ADAMTS3: variants seen among roughly 807,000 people sequenced by gnomAD.
The protein encoded by ADAMTS3 is ADAM metallopeptidase with thrombospondin type 1 motif 3, also known as A disintegrin and metalloproteinase with thrombospondin motifs 3.
Under a neutral mutation model 129.0 loss-of-function variants are expected in ADAMTS3, and 73 were observed. The ratio of observed to expected loss-of-function variants is 0.57; its 90% CI spans 0.47 to 0.69. ADAMTS3 has a LOEUF of 0.69. ADAMTS3 is among the 30% of genes least tolerant of loss of function. The pLI, the probability that ADAMTS3 is intolerant of heterozygous loss-of-function variation, is 0.00. For synonymous variants in ADAMTS3, 477 were observed against 510.8 expected, an observed-to-expected ratio of 0.93 and a Z score of 0.89; for missense variants, 1,457 against 1,514.5, an observed-to-expected ratio of 0.96 and a Z score of 0.63.
intron 4 of ADAMTS3, among the ~76,000 whole-genome samples, chr4:72,405,601 A>G (rs528782458): frequency 6.6e-6 from 1 of 152,254 alleles, no homozygotes; most frequent in East Asian, 1.9e-4. Context: ...TTGGGTAGAG[A>G]AAGTCCTGTT....
At chr4:72,368,962 C>T (rs761665969) in intron 4 of ADAMTS3, among the ~76,000 whole-genome samples, 15 of 152,106 alleles carry the variant, frequency 9.9e-5, no homozygotes, top group South Asian at 2.1e-4. Context: ...ATGCTGTTTT[C>T]GCTACACTAT....
At chr4:72,425,844 T>C (rs943228934) in intron 3 of ADAMTS3, among the ~76,000 whole-genome samples, 2 of 151,806 alleles carry the variant, frequency 1.3e-5, no homozygotes, top group Non-Finnish European at 2.9e-5. Context: ...TTTGGGTATA[T>C]ACCCAGTAAT....
chr4:72,548,923 T>C (rs2109788503), intron 2 of ADAMTS3, 39 bp from the exon 3 acceptor site: 4 of 1,568,104 alleles, frequency 2.6e-6, no homozygotes, highest in South Asian at 2.3e-5. Context: ...CCCTGTACAA[T>C]AAGAGAACAC....
At chr4:72,484,685 T>C (rs976246497) in intron 3 of ADAMTS3, among the ~76,000 whole-genome samples, 7 of 152,098 alleles carry the variant, frequency 4.6e-5, no homozygotes, top group Non-Finnish European at 7.4e-5. Flanking sequence ...GAAACTCCCA[T>C]GGATGGTGAG....
intron 5 of ADAMTS3, among the ~76,000 whole-genome samples, chr4:72,337,287 A>G (rs1720015121): frequency 6.6e-6 from 1 of 152,190 alleles, no homozygotes; most frequent in South Asian, 2.1e-4. Context: ...AATTTTTTTA[A>G]TGGACTTAAG....
In ADAMTS3 at chr4:72,295,745, T is replaced by C; in HGVS notation, c.2632A>G (p.Asn878Asp). Reference protein sequence around the residue: ...TKYGCRRKSDNKMVHRSFCEA... With the variant: ...TKYGCRRKSDDKMVHRSFCEA... ...CAGAAGCTGCGATGGACCATTTTAT[T>C]ATCACTTTTCCTACGGCATCCATAT... The change falls in exon 19 of 22, where the codon AAT (asparagine) becomes GAT (aspartate). Residue 878 changes from asparagine to aspartate, a missense_variant. Asn to Asp is a conservative substitution (Grantham distance 23). Coordinates refer to ENST00000286657, the MANE Select transcript of ADAMTS3 (RefSeq NM_014243.3). The C allele has an allele frequency of 6.2e-7, 1 of 1,612,894 alleles. No individual in the cohort carries two copies. Among genetic ancestry groups the C allele is most frequent in the South Asian group, 1.1e-5 (1 of 91,040 alleles).
intron 4 of ADAMTS3, among the ~76,000 whole-genome samples, chr4:72,412,270 G>T (rs1722202516): frequency 6.6e-6 from 1 of 151,882 alleles, no homozygotes; most frequent in East Asian, 1.9e-4. Context: ...GACCTCATAT[G>T]TTTCCTAAAA....
At chr4:72,432,184 G>A (rs1042029359) in intron 3 of ADAMTS3, among the ~76,000 whole-genome samples, 2 of 151,924 alleles carry the variant, frequency 1.3e-5, no homozygotes, top group African/African-American at 4.8e-5. Context: ...AATTAGGTGT[G>A]TCCAGATTCC....
intron 3 of ADAMTS3, among the ~76,000 whole-genome samples, chr4:72,467,044 G>C (rs562900099): frequency 6.6e-6 from 1 of 151,926 alleles, no homozygotes; most frequent in African/African-American, 2.4e-5. Flanking sequence ...TTATTTCAAA[G>C]TTGTATTTTA....
At chr4:72,486,476 A>C (rs996768098) in intron 3 of ADAMTS3, among the ~76,000 whole-genome samples, 1 of 152,178 alleles carries the variant, frequency 6.6e-6, no homozygotes, top group Non-Finnish European at 1.5e-5. Context: ...CACAAAGAAA[A>C]CTGAGAACCT....
intron 13 of ADAMTS3, among the ~76,000 whole-genome samples, chr4:72,311,721 A>G (rs761995082): frequency 6.6e-6 from 1 of 152,100 alleles, no homozygotes; most frequent in Non-Finnish European, 1.5e-5. Context: ...GCATGTAATC[A>G]TATAACTATT....
intron 3 of ADAMTS3, among the ~76,000 whole-genome samples, chr4:72,518,202 C>G (rs1305758273): frequency 2.0e-5 from 3 of 151,970 alleles, no homozygotes; most frequent in African/African-American, 7.3e-5. Flanking sequence ...GTCTGAGAGA[C>G]AGTTTGTTAT....
At chr4:72,360,651 T>TA (rs1031021073) in intron 4 of ADAMTS3, among the ~76,000 whole-genome samples, 33 of 152,118 alleles carry the variant, frequency 2.2e-4, no homozygotes, top group African/African-American at 7.7e-4. Flanking sequence ...TACGAAAAGG[T>TA]ACTGCAACAT....
intron 3 of ADAMTS3, among the ~76,000 whole-genome samples, chr4:72,421,976 T>A (rs767426982): frequency 6.6e-6 from 1 of 152,212 alleles, no homozygotes; most frequent in Admixed American, 6.5e-5. Flanking sequence ...ATTCAACAGA[T>A]GTTTTGAGAA....
intron 21 of ADAMTS3, among the ~76,000 whole-genome samples, chr4:72,285,410 A>T (rs1718478240): frequency 6.6e-6 from 1 of 152,186 alleles, no homozygotes; most frequent in Non-Finnish European, 1.5e-5. Flanking sequence ...TAAAATAAGA[A>T]AAATGTCTTC....
At chr4:72,500,613 G>C (rs1719993891) in intron 3 of ADAMTS3, among the ~76,000 whole-genome samples, 1 of 152,068 alleles carries the variant, frequency 6.6e-6, no homozygotes, top group Non-Finnish European at 1.5e-5. Context: ...AAGCTCTTTA[G>C]TTTAATTATG....
chr4:72,560,105 G>A (rs1295790309), intron 2 of ADAMTS3, among the ~76,000 whole-genome samples: 1 of 150,662 alleles, frequency 6.6e-6, no homozygotes, highest in Non-Finnish European at 1.5e-5. Context: ...TTAATAAGTG[G>A]TATTGGGAGA....
At chr4:72,425,821 T>C (rs1722558694) in intron 3 of ADAMTS3, among the ~76,000 whole-genome samples, 1 of 151,736 alleles carries the variant, frequency 6.6e-6, no homozygotes, top group Admixed American at 6.6e-5. Context: ...TATAGCAGCA[T>C]GATTTATAGT....
rs1280551621 is a variant in ADAMTS3 at position 72,456,121 on chromosome 4, T to TTA, written c.505-41152_505-41151dup. Among the ~76,000 whole-genome samples the TTA allele has an allele frequency of 1.2e-3, 51 of 43,230 alleles. 9 individuals carry two copies. The highest frequency in any genetic ancestry group is 4.4e-3 in the African/African-American group (49 of 11,114). The allele number at this position is 43,230 out of a possible 152,430, so 28.4% of individuals were successfully genotyped here. On this transcript the variant is annotated intron_variant, in intron 3 of 21. Transcript: ENST00000286657. ...ATATAGTATATATACTATATATATT[T>TTA]TATATATAGTATATATACTATATAT...
Sources: gnomAD v4.1 joint callset for allele counts (sites outside exome capture counted in the v4.1 genomes callset) on GRCh38, gnomAD v4.1.1 for gene constraint, MANE v1.5 for transcripts, NCBI Gene and HGNC (gene_info 2026-07-23, HGNC 2026-07-21) for gene names.